Variants in RTF1 observed in about 807,000 individuals in gnomAD.
RTF1 encodes the protein RTF1 homolog, Paf1/RNA polymerase II complex component, also known as RNA polymerase-associated protein RTF1 homolog.
In RTF1, 10 loss-of-function variants were observed where a neutral mutation model predicts 95.7. The observed-to-expected ratio is 0.10, with a 90% CI of 0.06 to 0.18. The LOEUF (loss-of-function observed/expected upper bound fraction) is 0.18. RTF1 is among the 10% of genes least tolerant of loss of function. RTF1 has a pLI of 1.00. For synonymous variants in RTF1, 305 were observed against 311.8 expected (o/e 0.98, Z 0.23); for missense variants, 458 against 875.6 (o/e 0.52, Z 6.02).
chr15:41,434,869 T>C (rs1452495147), intron 1 of RTF1, among the ~76,000 whole-genome samples: 5 of 151,854 alleles, frequency 3.3e-5, no homozygotes, highest in Non-Finnish European at 7.4e-5. Flanking sequence ...CCTCGTGATC[T>C]GCCCGCCTTG....
At chr15:41,474,566 T>A in intron 8 of RTF1, 54 bp from the exon 9 acceptor site, 1 of 1,255,268 alleles carries the variant, frequency 8.0e-7, no homozygotes, top group Non-Finnish European at 1.2e-6. Flanking sequence ...AAGAGTGTTG[T>A]GGAAAGCTCC....
intron 3 of RTF1, among the ~76,000 whole-genome samples, chr15:41,457,273 C>T (rs1450770152): frequency 2.6e-5 from 4 of 152,014 alleles, no homozygotes; most frequent in African/African-American, 4.8e-5. Flanking sequence ...CAGTGGCTCA[C>T]GCCTGTAATC....
At position 41,480,987 on chromosome 15, in the gene RTF1, G is replaced by A; in HGVS notation, c.*300G>A. 1 of 351,698 alleles carries A rather than the reference G, an allele frequency of 2.8e-6. No homozygotes were observed. Among genetic ancestry groups the A allele is most frequent in the Non-Finnish European group, 5.4e-6 (1 of 184,436 alleles). 21.8% of individuals were successfully genotyped at this position (351,698 alleles called of 1,614,324 possible). ...TGTTTTTTTAACCGCGCAGTTCATTGGCCACTCTGCACGCATTCAGTATTA... is the reference window on the plus strand; with the variant it reads ...TGTTTTTTTAACCGCGCAGTTCATTAGCCACTCTGCACGCATTCAGTATTA... On this transcript the variant is annotated 3_prime_UTR_variant, in exon 18 of 18. Coordinates refer to ENST00000389629, the MANE Select transcript of RTF1 (RefSeq NM_015138.5).
At chr15:41,461,063 A>G (rs1446116890) in intron 4 of RTF1, among the ~76,000 whole-genome samples, 5 of 142,012 alleles carry the variant, frequency 3.5e-5, no homozygotes, top group Admixed American at 2.1e-4. Flanking sequence ...TTTTTTTGAG[A>G]TGGAGTTTTG....
At chr15:41,437,702 T>C (rs570116479) in intron 1 of RTF1, among the ~76,000 whole-genome samples, 37 of 152,150 alleles carry the variant, frequency 2.4e-4, no homozygotes, top group Non-Finnish European at 4.6e-4. Flanking sequence ...TGGTACTTCC[T>C]TCTTACTGTC....
chr15:41,432,191 G>T (rs1399428709), intron 1 of RTF1, among the ~76,000 whole-genome samples: 1 of 148,282 alleles, frequency 6.7e-6, no homozygotes, highest in Non-Finnish European at 1.5e-5. Context: ...TGTTTGTTAG[G>T]TTTTCTTTTT....
intron 9 of RTF1, 79 bp from the exon 10 acceptor site, chr15:41,475,446 C>T: frequency 1.8e-6 from 2 of 1,082,594 alleles, no homozygotes; most frequent in South Asian, 1.3e-5. Flanking sequence ...ATAGGTGGTA[C>T]ATAGTCTGGT....
Position 41,481,391 on chromosome 15 carries a change from C to T in RTF1, c.*704C>T, listed in dbSNP as rs1023146314. ...CTGTTTCAGATTTTTTTCAGCTGTA[C>T]TTGAGCATCTGAAACTGCAAGAAAG... On this transcript the variant is annotated 3_prime_UTR_variant, in exon 18 of 18. Coordinates refer to ENST00000389629, the MANE Select transcript of RTF1 (RefSeq NM_015138.5). The T allele has an allele frequency of 6.6e-6, 1 of 152,376 alleles. No homozygotes were observed. The highest frequency in any genetic ancestry group is 6.6e-5 in the Admixed American group (1 of 15,250). 9.4% of individuals were successfully genotyped at this position (152,376 alleles called of 1,614,324 possible).
chr15:41,454,401 T>A (rs1407161847), intron 3 of RTF1, among the ~76,000 whole-genome samples: 4 of 151,686 alleles, frequency 2.6e-5, no homozygotes, highest in African/African-American at 9.7e-5. Flanking sequence ...ATAAAAAAAT[T>A]TTTTTTTTAA....
chr15:41,434,884 C>T (rs1305815413), intron 1 of RTF1, among the ~76,000 whole-genome samples: 5 of 151,954 alleles, frequency 3.3e-5, no homozygotes, highest in Non-Finnish European at 7.4e-5. Flanking sequence ...GCCTTGGCCT[C>T]CCAAAGTTCT....
At chr15:41,421,342 G>C (rs1054501814) in intron 1 of RTF1, among the ~76,000 whole-genome samples, 1 of 151,928 alleles carries the variant, frequency 6.6e-6, no homozygotes, top group Admixed American at 6.6e-5. Context: ...TGTAATCCCA[G>C]TTACTCAGAA....
chr15:41,471,217 A>G lies in RTF1; in HGVS notation c.1071A>G (p.Glu357=). 1 of 1,613,498 alleles carries G rather than the reference A, an allele frequency of 6.2e-7. No homozygotes were observed. Among genetic ancestry groups the G allele is most frequent in the Non-Finnish European group, 8.5e-7 (1 of 1,179,866 alleles). ...AATCCCAACCAGTTTCCTTACCTGAAGAATTGAATCGGGTTCGATTATCAC... is the reference window on the plus strand; with the variant it reads ...AATCCCAACCAGTTTCCTTACCTGAGGAATTGAATCGGGTTCGATTATCAC... The part of the protein sequence containing the change: ...PPKSQPVSLP[E]ELNRVRLSRH... The change falls in exon 8 of 18, where the codon GAA becomes GAG. Residue 357 remains glutamate, a synonymous_variant. Transcript: ENST00000389629.
intron 2 of RTF1, among the ~76,000 whole-genome samples, chr15:41,447,098 C>G (rs189649221): frequency 9.3e-4 from 142 of 152,266 alleles, no homozygotes; most frequent in African/African-American, 3.4e-3. Flanking sequence ...CCACCACGCC[C>G]AGCCCCAGCT....
In RTF1 at chr15:41,466,225, G is replaced by T; in HGVS notation, c.862G>T (p.Glu288Ter). The change falls in exon 6 of 18, where the codon GAG becomes TAG. Residue 288 changes from glutamate to a stop codon, truncating the protein, a stop_gained. Coordinates refer to ENST00000389629, the MANE Select transcript of RTF1 (RefSeq NM_015138.5). LOFTEE classifies it high-confidence loss of function. ...KSQAMEELKA[E>*]REKRKNRTAE... Reference sequence around the variant, plus strand: ...TCAAGCCATGGAGGAGCTAAAAGCAGAGCGAGAAAAACGAAAGAACAGAAC... The same window carrying T: ...TCAAGCCATGGAGGAGCTAAAAGCATAGCGAGAAAAACGAAAGAACAGAAC... 6.3e-7 allele frequency: 1 copy of T among 1,588,090 alleles called. No individual in the cohort carries two copies. The highest frequency in any genetic ancestry group is 8.6e-7 in the Non-Finnish European group (1 of 1,168,322).
chr15:41,427,629 A>G (rs1045163336), intron 1 of RTF1, among the ~76,000 whole-genome samples: 2 of 152,114 alleles, frequency 1.3e-5, no homozygotes, highest in East Asian at 3.9e-4. Flanking sequence ...GCAGAGAGCC[A>G]TGATCACACA....
chr15:41,417,159 C>CGGCAGT lies in RTF1; in HGVS notation c.48_53dup (p.Ala18_Val19dup). ...GTGGGTCGAGCAGCGGCGGCGGCGG[C>CGGCAGT]GGCAGTGGCGGTCCCACTGGCAGGC... On this transcript the variant is annotated inframe_insertion, in exon 1 of 18. Coordinates refer to ENST00000389629, the MANE Select transcript of RTF1 (RefSeq NM_015138.5). The CGGCAGT allele has an allele frequency of 7.9e-7, 1 of 1,260,412 alleles. No individual in the cohort carries two copies. Among genetic ancestry groups the CGGCAGT allele is most frequent in the Non-Finnish European group, 1.0e-6 (1 of 998,582 alleles). The allele number at this position is 1,260,412 out of a possible 1,614,324, so 78.1% of individuals were successfully genotyped here.
At chr15:41,445,497 A>G (rs2050756275) in intron 2 of RTF1, among the ~76,000 whole-genome samples, 1 of 152,118 alleles carries the variant, frequency 6.6e-6, no homozygotes, top group Admixed American at 6.6e-5. Context: ...CTAGACTGCA[A>G]GTTTTTGTGA....
At chr15:41,453,737 A>G (rs1595433638) in intron 3 of RTF1, among the ~76,000 whole-genome samples, 1 of 152,080 alleles carries the variant, frequency 6.6e-6, no homozygotes, top group South Asian at 2.1e-4. Flanking sequence ...AACAAAAAAA[A>G]GTAGGAAAAA....
intron 1 of RTF1, among the ~76,000 whole-genome samples, chr15:41,436,428 G>T (rs1229204358): frequency 6.7e-6 from 1 of 149,072 alleles, no homozygotes; most frequent in Non-Finnish European, 1.5e-5. Context: ...CTGCACTCTA[G>T]CCTGGGTGAC....
Sources: gnomAD v4.1 joint callset for allele counts (sites outside exome capture counted in the v4.1 genomes callset) on GRCh38, gnomAD v4.1.1 for gene constraint, MANE v1.5 for transcripts, NCBI Gene and HGNC (gene_info 2026-07-23, HGNC 2026-07-21) for gene names.